The following NELL1 variants were observed in gnomAD, a reference collection of about 807,000 sequenced individuals.
The protein encoded by NELL1 is protein kinase C-binding protein NELL1.
Under a neutral mutation model 107.4 loss-of-function variants are expected in NELL1, and 76 were observed. The ratio of observed to expected loss-of-function variants is 0.71; its 90% CI spans 0.59 to 0.86. NELL1 has a LOEUF of 0.86. Among genes scored for constraint, NELL1 ranks in the 40% least tolerant of loss-of-function variants. The pLI is 0.00. For missense variants in NELL1, 1,024 were observed against 1,005.5 expected (o/e 1.02, Z -0.25); for synonymous variants, 353 against 341.2 (o/e 1.03, Z -0.38).
At chr11:21,012,008 C>T (rs72939981) in intron 12 of NELL1, among the ~76,000 whole-genome samples, 5,447 of 152,206 alleles carry the variant, frequency 0.036, 135 homozygotes, top group Admixed American at 0.054. Context: ...CCAACCACTG[C>T]GCTAAGAGCT....
chr11:20,836,840 T>G (rs1441093800), intron 3 of NELL1, among the ~76,000 whole-genome samples: 1 of 151,980 alleles, frequency 6.6e-6, no homozygotes, highest in African/African-American at 2.4e-5. Flanking sequence ...GAGGAATTTT[T>G]TAGGCAGTGG....
chr11:21,198,609 T>A (rs17233110), intron 13 of NELL1, among the ~76,000 whole-genome samples: 3,633 of 152,306 alleles, frequency 0.024, 60 homozygotes, highest in Non-Finnish European at 0.036. Flanking sequence ...GCCCATAGTG[T>A]ACACATTTTG....
rs149161407 is a variant in NELL1, at chr11:21,127,682, A to G, written c.1426+13968A>G. Among the ~76,000 whole-genome samples, 18 of 152,282 alleles carry G rather than the reference A, an allele frequency of 1.2e-4. No individual in the cohort carries two copies. The East Asian group carries it at 3.3e-3, about 28-fold the overall frequency. On this transcript the variant is annotated intron_variant, in intron 13 of 19. Coordinates refer to ENST00000357134, the MANE Select transcript of NELL1 (RefSeq NM_006157.5). ...GAGGAGGAAAATGACGACAACCTCT[A>G]TTAACATTTTGCATTTAGGAGTATT...
chr11:21,159,167 C>T (rs1669758950), intron 13 of NELL1, among the ~76,000 whole-genome samples: 1 of 152,052 alleles, frequency 6.6e-6, no homozygotes, highest in Admixed American at 6.6e-5. Context: ...TGAACTCCAG[C>T]CTTTTTCTAA....
intron 14 of NELL1, among the ~76,000 whole-genome samples, chr11:21,335,695 C>T (rs556659942): frequency 2.0e-5 from 3 of 152,174 alleles, no homozygotes; most frequent in South Asian, 2.1e-4. Context: ...TTTCCCCACC[C>T]TCTAAAAACG....
chr11:21,428,058 G>C (rs1430371801), intron 15 of NELL1, among the ~76,000 whole-genome samples: 1 of 152,136 alleles, frequency 6.6e-6, no homozygotes, highest in African/African-American at 2.4e-5. Context: ...TATGATCAAA[G>C]ACACACTAAA....
intron 12 of NELL1, among the ~76,000 whole-genome samples, chr11:20,961,137 C>T (rs978819724): frequency 1.3e-5 from 2 of 152,126 alleles, no homozygotes; most frequent in Admixed American, 6.5e-5. Flanking sequence ...ATGGTGGCCT[C>T]AAGCATCAAT....
At chr11:20,810,250 G>A (rs1034123318) in intron 3 of NELL1, among the ~76,000 whole-genome samples, 20 of 151,906 alleles carry the variant, frequency 1.3e-4, no homozygotes, top group African/African-American at 4.6e-4. Flanking sequence ...AAGTTATTGG[G>A]GTACAGGTGG....
intron 13 of NELL1, among the ~76,000 whole-genome samples, chr11:21,142,766 C>T (rs753585232): frequency 6.6e-6 from 1 of 152,144 alleles, no homozygotes; most frequent in Non-Finnish European, 1.5e-5. Context: ...CCTCTGTTGC[C>T]TCCGTCTTCT....
intron 13 of NELL1, among the ~76,000 whole-genome samples, chr11:21,208,365 T>TTC (rs944686796): frequency 2.6e-5 from 4 of 151,512 alleles, no homozygotes; most frequent in Admixed American, 6.6e-5. Flanking sequence ...TGTCAATATT[T>TTC]TAACATGCAT....
intron 15 of NELL1, among the ~76,000 whole-genome samples, chr11:21,398,465 G>C (rs1023434889): frequency 6.6e-6 from 1 of 151,722 alleles, no homozygotes; most frequent in Non-Finnish European, 1.5e-5. Context: ...CATGGGAGTA[G>C]ACACTTTTGT....
chr11:21,143,809 G>A (rs1002773358), intron 13 of NELL1, among the ~76,000 whole-genome samples: 2 of 152,018 alleles, frequency 1.3e-5, no homozygotes, highest in Admixed American at 6.5e-5. Flanking sequence ...ATAAAGTCCC[G>A]GCAAGATGAA....
At chr11:21,052,229 G>C (rs963869551) in intron 12 of NELL1, among the ~76,000 whole-genome samples, 2 of 152,074 alleles carry the variant, frequency 1.3e-5, no homozygotes, top group African/African-American at 4.8e-5. Flanking sequence ...GTAGAGATTA[G>C]GGTAGGCAGG....
chr11:20,939,502 A>G (rs556346696), intron 10 of NELL1, among the ~76,000 whole-genome samples: 1 of 152,218 alleles, frequency 6.6e-6, no homozygotes, highest in Non-Finnish European at 1.5e-5. Context: ...TCCTGGAGTC[A>G]CTTATACAAG....
At chr11:21,100,936 C>G (rs1441776464) in intron 12 of NELL1, among the ~76,000 whole-genome samples, 3 of 151,792 alleles carry the variant, frequency 2.0e-5, no homozygotes, top group African/African-American at 7.3e-5. Flanking sequence ...TGTGCTGCAC[C>G]CAGTAACTTG....
intron 15 of NELL1, among the ~76,000 whole-genome samples, chr11:21,400,033 G>A (rs754105954): frequency 1.3e-4 from 19 of 151,732 alleles, no homozygotes; most frequent in Non-Finnish European, 2.1e-4. Flanking sequence ...TGTATACTAT[G>A]CATTATTGGT....
intron 2 of NELL1, among the ~76,000 whole-genome samples, chr11:20,746,579 C>T (rs1444336011): frequency 1.0e-5 from 1 of 96,260 alleles, no homozygotes; most frequent in East Asian, 2.2e-4. Context: ...CACACACACA[C>T]ACACACACAC....
chr11:21,355,543 C>T (rs1337469741), intron 14 of NELL1, among the ~76,000 whole-genome samples: 1 of 152,080 alleles, frequency 6.6e-6, no homozygotes, highest in Non-Finnish European at 1.5e-5. Flanking sequence ...GAAGTGAAAC[C>T]AGGACTAGAA....
intron 15 of NELL1, among the ~76,000 whole-genome samples, chr11:21,419,301 C>T (rs73457333): frequency 0.03 from 4,553 of 152,046 alleles, 238 homozygotes; most frequent in African/African-American, 0.1. Flanking sequence ...TTCAAGAAAC[C>T]GTTGCAAGTT....
Sources: gnomAD v4.1 joint callset for allele counts (sites outside exome capture counted in the v4.1 genomes callset) on GRCh38, gnomAD v4.1.1 for gene constraint, MANE v1.5 for transcripts, NCBI Gene and HGNC (gene_info 2026-07-23, HGNC 2026-07-21) for gene names.